The following EAPP variants were observed in gnomAD, a reference collection of about 807,000 sequenced individuals.
EAPP encodes E2F-associated phosphoprotein.
A neutral mutation model predicts 34.3 loss-of-function variants in EAPP; 38 were observed. The ratio of observed to expected loss-of-function variants is 1.11; its 90% CI spans 0.85 to 1.45. The LOEUF is 1.45. Among genes scored for constraint, EAPP ranks in the 40% most tolerant of loss-of-function variants. EAPP has a pLI of 0.00. For missense variants in EAPP, 338 were observed against 343.7 expected, an observed-to-expected ratio of 0.98 and a Z score of 0.13; for synonymous variants, 113 against 117.6, an observed-to-expected ratio of 0.96 and a Z score of 0.25.
intron 4 of EAPP, among the ~76,000 whole-genome samples, chr14:34,528,731 ACT>A (rs1880177239): frequency 6.6e-6 from 1 of 151,436 alleles, no homozygotes. Flanking sequence ...ATCCACATAA[ACT>A]CTTAATCTCA....
At chr14:34,536,054 A>G in intron 2 of EAPP, 40 bp downstream of exon 2, 1 of 1,502,334 alleles carries the variant, frequency 6.7e-7, no homozygotes, top group South Asian at 1.2e-5. Flanking sequence ...GCCCTTACAG[A>G]GCTTACAAAA....
chr14:34,529,243 TTGTG>T (rs913207922), intron 4 of EAPP, 111 bp downstream of exon 4: 14 of 737,772 alleles, frequency 1.9e-5, no homozygotes, highest in East Asian at 6.0e-5. Context: ...ACTTTTTTGT[TTGTG>T]TGTGTGTGTT....
chr14:34,534,763 A>T (rs1037871799), intron 2 of EAPP, among the ~76,000 whole-genome samples: 1 of 152,136 alleles, frequency 6.6e-6, no homozygotes, highest in Admixed American at 6.6e-5. Flanking sequence ...GCACTTTGGG[A>T]GGCCAATGCA....
chr14:34,533,300 G>A (rs1303083389), intron 3 of EAPP, 144 bp downstream of exon 3: 3 of 650,440 alleles, frequency 4.6e-6, no homozygotes, highest in African/African-American at 3.7e-5. Flanking sequence ...CTCCCAAAGT[G>A]CTGCCATTAC....
intron 5 of EAPP, among the ~76,000 whole-genome samples, chr14:34,523,239 CT>C (rs71453625): frequency 0.026 from 3,561 of 137,298 alleles, 109 homozygotes; most frequent in African/African-American, 0.087. Flanking sequence ...GAAAAGATAC[CT>C]TTTTTTTTTT....
intron 2 of EAPP, chr14:34,535,852 A>G: frequency 5.3e-6 from 2 of 378,360 alleles, no homozygotes; most frequent in African/African-American, 2.1e-5. Flanking sequence ...AGCTATGATC[A>G]TGCCACTGCA....
intron 2 of EAPP, among the ~76,000 whole-genome samples, chr14:34,534,778 G>C (rs887129542): frequency 2.6e-5 from 4 of 151,692 alleles, no homozygotes; most frequent in African/African-American, 9.7e-5. Context: ...AATGCAGGAA[G>C]ATCACTTGAG....
chr14:34,528,414 CCTTTTTTTTTTTTTTTT>C, intron 4 of EAPP, among the ~76,000 whole-genome samples: 1 of 54,160 alleles, frequency 1.8e-5, no homozygotes, highest in African/African-American at 4.6e-5. Context: ...TCCACAAAAC[CCTTTTTTTTTTTTTTTT>C]TTTTTTTTGA....
rs868430420 is a variant in EAPP, at chr14:34,516,278, A to G, written c.*32T>C. The G allele has an allele frequency of 1.9e-6, 3 of 1,572,678 alleles. No homozygotes were observed. The highest frequency in any genetic ancestry group is 3.4e-4 in the Middle Eastern group (2 of 5,840). On this transcript the variant is annotated 3_prime_UTR_variant, in exon 6 of 6. Coordinates refer to ENST00000250454, the MANE Select transcript of EAPP (RefSeq NM_018453.4). ...AACTGTCCATATTTGCCTTATATAC[A>G]GTATTGGGTAATTAAATGCCAGTTG... is the stretch of plus-strand genomic sequence containing the variant.
rs561516322 is a variant in EAPP at position 34,517,484 on chromosome 14, G to A, written c.582-898C>T. Among the ~76,000 whole-genome samples the A allele has an allele frequency of 6.0e-5, 9 of 149,926 alleles. No homozygotes were observed. In the East Asian group the frequency reaches 1.8e-3, roughly 30 times the overall value. On this transcript the variant is annotated intron_variant, in intron 5 of 5. Transcript: ENST00000250454. Reference sequence around the variant, plus strand: ...GTTTCATCTTGAACTCCTGACCTCAGGTAATCTGTCCACCTCGGCCTCCTA... The same window carrying A: ...GTTTCATCTTGAACTCCTGACCTCAAGTAATCTGTCCACCTCGGCCTCCTA...
intron 1 of EAPP, 64 bp from the exon 2 acceptor site, chr14:34,536,339 A>G: frequency 1.6e-6 from 2 of 1,282,126 alleles, no homozygotes; most frequent in Non-Finnish European, 2.1e-6. Flanking sequence ...TTAAACTCCC[A>G]GCATCTCACT....
intron 4 of EAPP, among the ~76,000 whole-genome samples, chr14:34,526,892 C>T (rs756318380): frequency 3.3e-5 from 5 of 151,436 alleles, no homozygotes; most frequent in Admixed American, 2.0e-4. Context: ...AAAAAATGAC[C>T]GGGTGCGGTG....
intron 4 of EAPP, among the ~76,000 whole-genome samples, chr14:34,527,700 A>G (rs1185168567): frequency 6.6e-6 from 1 of 152,238 alleles, no homozygotes; most frequent in African/African-American, 2.4e-5. Flanking sequence ...GAAAGAAGCC[A>G]GATATAAAAG....
intron 5 of EAPP, among the ~76,000 whole-genome samples, chr14:34,520,203 CTCTT>C (rs919997497): frequency 5.5e-5 from 8 of 146,646 alleles, no homozygotes; most frequent in African/African-American, 1.0e-4. Flanking sequence ...TTTCTTTTCT[CTCTT>C]TATTTTTTTC....
intron 3 of EAPP, among the ~76,000 whole-genome samples, chr14:34,531,302 C>T (rs1880281125): frequency 6.7e-6 from 1 of 149,658 alleles, no homozygotes; most frequent in African/African-American, 2.5e-5. Context: ...GGGACTCTGC[C>T]TAAAAAATAA....
intron 1 of EAPP, among the ~76,000 whole-genome samples, chr14:34,536,960 A>C (rs992444601): frequency 6.6e-6 from 1 of 152,022 alleles, no homozygotes; most frequent in Non-Finnish European, 1.5e-5. Context: ...ACACTGGAGG[A>C]AACTGGGGAA....
intron 1 of EAPP, among the ~76,000 whole-genome samples, chr14:34,536,925 T>C (rs1478818005): frequency 6.6e-6 from 1 of 151,994 alleles, no homozygotes; most frequent in African/African-American, 2.4e-5. Context: ...GTTGTGATAC[T>C]GCACTATAGT....
At chr14:34,536,013 G>T in intron 2 of EAPP, 81 bp downstream of exon 2, 1 of 985,986 alleles carries the variant, frequency 1.0e-6, no homozygotes, top group Non-Finnish European at 1.5e-6. Flanking sequence ...TGAAAGTGCT[G>T]GGAACATAGA....
At chr14:34,522,888 G>A (rs1368434452) in intron 5 of EAPP, among the ~76,000 whole-genome samples, 1 of 152,138 alleles carries the variant, frequency 6.6e-6, no homozygotes, top group Non-Finnish European at 1.5e-5. Context: ...CCTATGAGTT[G>A]AGGCAGGGAC....
Sources: allele counts gnomAD v4.1 joint callset (sites outside exome capture counted in the v4.1 genomes callset), GRCh38; gene constraint gnomAD v4.1.1; transcripts MANE v1.5; gene names NCBI Gene and HGNC (gene_info 2026-07-23, HGNC 2026-07-21).